Variants in GALNT14 observed in about 807,000 individuals in gnomAD.
GALNT14 encodes the protein polypeptide N-acetylgalactosaminyltransferase 14, also known as UDP-GalNAc:polypeptide N-acetylgalactosaminyltransferase 14.
GALNT14 carries 60 observed loss-of-function variants against 77.5 expected under a neutral mutation model. That is an observed-to-expected ratio of 0.77 (90% CI 0.63 to 0.96). The LOEUF (loss-of-function observed/expected upper bound fraction) is 0.96, where lower values mean the gene tolerates loss of function less well. Ranked by LOEUF, GALNT14 falls within the 40% of genes least tolerant of loss-of-function variation. GALNT14 has a pLI of 0.00. For missense variants in GALNT14, 710 were observed against 731.0 expected (o/e 0.97, Z 0.33); for synonymous variants, 280 against 281.7 (o/e 0.99, Z 0.06).
intron 1 of GALNT14, among the ~76,000 whole-genome samples, chr2:30,997,833 T>C (rs1670132101): frequency 2.0e-5 from 3 of 152,232 alleles, no homozygotes; most frequent in East Asian, 1.9e-4. Flanking sequence ...GGTGAGAACA[T>C]TTAAAAGTCT....
chr2:31,137,316 C>G (rs1186168426), intron 1 of GALNT14, among the ~76,000 whole-genome samples: 1 of 152,202 alleles, frequency 6.6e-6, no homozygotes, highest in Non-Finnish European at 1.5e-5. Context: ...GTTGGAAAAG[C>G]CACTTGGATT....
intron 1 of GALNT14, among the ~76,000 whole-genome samples, chr2:31,041,777 G>A (rs961066612): frequency 2.0e-5 from 3 of 152,176 alleles, no homozygotes; most frequent in Non-Finnish European, 4.4e-5. Flanking sequence ...CGGGAAAAAA[G>A]TTAAGAAGCC....
intron 1 of GALNT14, among the ~76,000 whole-genome samples, chr2:31,109,343 G>A (rs549857068): frequency 2.0e-5 from 3 of 152,142 alleles, no homozygotes; most frequent in Admixed American, 1.3e-4. Context: ...ACTTCTCCAC[G>A]AGAAACAGAT....
intron 2 of GALNT14, among the ~76,000 whole-genome samples, chr2:30,975,484 G>A (rs556164647): frequency 2.0e-5 from 3 of 152,330 alleles, no homozygotes; most frequent in Admixed American, 1.3e-4. Context: ...TGAAACAAAG[G>A]TGAACTATTT....
intron 2 of GALNT14, among the ~76,000 whole-genome samples, chr2:30,985,290 T>C (rs187691639): frequency 6.6e-6 from 1 of 152,272 alleles, no homozygotes; most frequent in East Asian, 1.9e-4. Context: ...TGGTCCCCTT[T>C]TGAAGTCTGA....
intron 1 of GALNT14, among the ~76,000 whole-genome samples, chr2:31,061,692 C>T (rs1470240077): frequency 6.6e-6 from 1 of 152,194 alleles, no homozygotes; most frequent in African/African-American, 2.4e-5. Context: ...TACCCCCAGA[C>T]CACTGTGCAA....
At chr2:30,922,914 G>T (rs190375144) in intron 13 of GALNT14, among the ~76,000 whole-genome samples, 200 of 152,292 alleles carry the variant, frequency 1.3e-3, no homozygotes, top group Non-Finnish European at 2.4e-3. Flanking sequence ...ACAGGAAACT[G>T]TCAAAGCTGG....
At chr2:30,924,692 G>A in intron 12 of GALNT14, 48 bp downstream of exon 12, 1 of 1,521,972 alleles carries the variant, frequency 6.6e-7, no homozygotes, top group Non-Finnish European at 9.1e-7. Context: ...AGCCAGCTGA[G>A]GGCCTCTGCT....
At chr2:30,977,316 C>A (rs188597087) in intron 2 of GALNT14, among the ~76,000 whole-genome samples, 6 of 152,152 alleles carry the variant, frequency 3.9e-5, no homozygotes, top group Admixed American at 1.3e-4. Context: ...GTCTCGAACT[C>A]CTGACCTCAG....
At chr2:30,986,052 G>A (rs1669277835) in intron 2 of GALNT14, among the ~76,000 whole-genome samples, 1 of 152,194 alleles carries the variant, frequency 6.6e-6, no homozygotes, top group Non-Finnish European at 1.5e-5. Flanking sequence ...CTGGGCCACT[G>A]CCCCTTCATT....
intron 11 of GALNT14, among the ~76,000 whole-genome samples, chr2:30,927,626 G>A (rs919716825): frequency 1.3e-5 from 2 of 152,240 alleles, no homozygotes; most frequent in Non-Finnish European, 2.9e-5. Flanking sequence ...GAAGGATGCT[G>A]CAGAAGCAGT....
At chr2:30,943,089 C>A (rs60915041) in intron 8 of GALNT14, among the ~76,000 whole-genome samples, 3,401 of 152,254 alleles carry the variant, frequency 0.022, 154 homozygotes, top group East Asian at 0.18. Context: ...AGGAAGCAAC[C>A]CTGTGGACAC....
intron 1 of GALNT14, among the ~76,000 whole-genome samples, chr2:30,998,537 CTG>C (rs1201922598): frequency 6.6e-6 from 1 of 152,234 alleles, no homozygotes; most frequent in Non-Finnish European, 1.5e-5. Context: ...CTACCATGAA[CTG>C]TGTCTGATCC....
chr2:31,065,058 G>T (rs1674853943), intron 1 of GALNT14: 2 of 151,580 alleles, frequency 1.3e-5, no homozygotes, highest in South Asian at 4.3e-4. Context: ...GTGGCCAGAA[G>T]CAGGCCCCAA....
At chr2:31,065,979 C>G (rs1433495797) in intron 1 of GALNT14, among the ~76,000 whole-genome samples, 3 of 152,170 alleles carry the variant, frequency 2.0e-5, no homozygotes, top group Non-Finnish European at 4.4e-5. Flanking sequence ...GGATTCCAAT[C>G]CCCGCCCCAC....
chr2:31,123,730 G>A (rs142655175), intron 1 of GALNT14, among the ~76,000 whole-genome samples: 2 of 152,266 alleles, frequency 1.3e-5, no homozygotes, highest in East Asian at 1.9e-4. Context: ...ACATGATCAG[G>A]ACAGGAAATT....
intron 1 of GALNT14, among the ~76,000 whole-genome samples, chr2:31,027,557 G>A (rs1386874818): frequency 1.3e-5 from 2 of 152,062 alleles, no homozygotes; most frequent in African/African-American, 4.8e-5. Context: ...TCGACAAAAG[G>A]GATCATGTCT....
intron 1 of GALNT14, among the ~76,000 whole-genome samples, chr2:31,121,269 CAAATTA>C (rs898386543): frequency 2.0e-5 from 3 of 152,242 alleles, no homozygotes; most frequent in Admixed American, 6.5e-5. Context: ...AGCAGCTACA[CAAATTA>C]AAATTGAAAA....
At chr2:30,951,247 A>G (rs1667010596) in intron 6 of GALNT14, among the ~76,000 whole-genome samples, 1 of 152,252 alleles carries the variant, frequency 6.6e-6, no homozygotes, top group East Asian at 1.9e-4. Context: ...GAATGCCAAT[A>G]CATGCATTCA....
Sources: gnomAD v4.1 joint callset for allele counts (sites outside exome capture counted in the v4.1 genomes callset) on GRCh38, gnomAD v4.1.1 for gene constraint, MANE v1.5 for transcripts, NCBI Gene and HGNC (gene_info 2026-07-23, HGNC 2026-07-21) for gene names.